GTF2B: variants seen among roughly 807,000 people sequenced by gnomAD.
GTF2B encodes the protein general transcription factor IIB.
GTF2B carries 20 observed loss-of-function variants against 34.6 expected under a neutral mutation model. That is an observed-to-expected ratio of 0.58 (90% CI 0.41 to 0.84). The LOEUF is 0.84. Ranked by LOEUF, GTF2B falls within the 40% of genes least tolerant of loss-of-function variation. The pLI is 0.00. For synonymous variants in GTF2B, 142 were observed against 132.4 expected, an observed-to-expected ratio of 1.07 and a Z score of -0.50; for missense variants, 237 against 393.3, an observed-to-expected ratio of 0.60 and a Z score of 3.36.
chr1:88,890,645 C>T (rs572419504), intron 1 of GTF2B, among the ~76,000 whole-genome samples: 2 of 152,296 alleles, frequency 1.3e-5, no homozygotes, highest in East Asian at 3.9e-4. Flanking sequence ...TGGCATGACT[C>T]AGTTTACACT....
chr1:88,891,120 CG>C (rs36020480), intron 1 of GTF2B, among the ~76,000 whole-genome samples: 533 of 6,464 alleles, frequency 0.082, 51 homozygotes, highest in African/African-American at 0.22. Flanking sequence ...AAAAAACAAG[CG>C]GGGGGGGGGG....
intron 2 of GTF2B, among the ~76,000 whole-genome samples, chr1:88,867,026 T>TA (rs1443528360): frequency 6.6e-6 from 1 of 152,194 alleles, no homozygotes; most frequent in Non-Finnish European, 1.5e-5. Context: ...ATGCAGATTT[T>TA]AAAAAGATAC....
At chr1:88,888,419 G>A (rs181539202) in intron 1 of GTF2B, among the ~76,000 whole-genome samples, 7 of 152,110 alleles carry the variant, frequency 4.6e-5, no homozygotes, top group Middle Eastern at 3.4e-3. Context: ...TTGGGAACAC[G>A]GGGGGATGAG....
intron 5 of GTF2B, among the ~76,000 whole-genome samples, chr1:88,858,259 A>G (rs915998573): frequency 6.6e-6 from 1 of 152,180 alleles, no homozygotes; most frequent in African/African-American, 2.4e-5. Context: ...TCGGCCTCAC[A>G]AAGTGCTGAG....
At chr1:88,862,347 G>C (rs758961609) in intron 3 of GTF2B, among the ~76,000 whole-genome samples, 8 of 152,130 alleles carry the variant, frequency 5.3e-5, no homozygotes, top group Non-Finnish European at 8.8e-5. Flanking sequence ...ATTGGGACAA[G>C]CCTGGGCAAC....
chr1:88,859,931 A>T lies in GTF2B; in HGVS notation c.486T>A (p.Ala162=). ...CTTGTCTACAGGCAATATAGAGACA[A>T]GCAGAAGCTATAGCATCATTAGCTC... ...KGRANDAIAS[A]CLYIACRQEG... is the part of the protein sequence containing the mutation. The change falls in exon 5 of 7, where the codon GCT becomes GCA. Residue 162 remains alanine (A), a synonymous_variant. Coordinates refer to ENST00000370500, the MANE Select transcript of GTF2B (RefSeq NM_001514.6). 1 of 1,613,810 alleles carries T rather than the reference A, an allele frequency of 6.2e-7. No homozygotes were observed. Among genetic ancestry groups the T allele is most frequent in the Non-Finnish European group, 8.5e-7 (1 of 1,179,734 alleles).
At chr1:88,866,248 G>A (rs190562019) in intron 2 of GTF2B, among the ~76,000 whole-genome samples, 127 of 152,140 alleles carry the variant, frequency 8.3e-4, no homozygotes, top group African/African-American at 2.8e-3. Context: ...GTGCCTGTAG[G>A]GAGGCTGAGG....
chr1:88,890,214 C>A (rs539104473), intron 1 of GTF2B, among the ~76,000 whole-genome samples: 1 of 151,152 alleles, frequency 6.6e-6, no homozygotes, highest in East Asian at 1.9e-4. Context: ...TCTGGGGAGC[C>A]CAAGTTTTCC....
chr1:88,859,608 G>A (rs745371996), intron 5 of GTF2B, among the ~76,000 whole-genome samples: 6 of 152,108 alleles, frequency 3.9e-5, no homozygotes, highest in Non-Finnish European at 7.4e-5. Flanking sequence ...GGCCAAAGTG[G>A]GCAGATCACC....
At position 88,853,048 on chromosome 1, in the gene GTF2B, T is replaced by C; in HGVS notation, c.*165A>G. The C allele has an allele frequency of 5.1e-6, 3 of 584,584 alleles. No individual in the cohort carries two copies. The South Asian group carries it at 7.0e-5, about 14-fold the overall frequency. 36.2% of individuals were successfully genotyped at this position (584,584 alleles called of 1,614,324 possible). A position where few individuals can be genotyped will look rare whatever the true frequency, so the allele number is the denominator to read the frequency against. ...TAAGAAATTTAAATCATTAAATATG[T>C]TTCACTAGTATATACATACAGAATG... is the stretch of plus-strand genomic sequence containing the variant. On this transcript the variant is annotated 3_prime_UTR_variant, in exon 7 of 7. Transcript: ENST00000370500.
rs186514882 is a variant in GTF2B at position 88,862,897 on chromosome 1, A to C, written c.258+1084T>G. Among the ~76,000 whole-genome samples, 1,159 of 149,064 alleles carry C rather than the reference A, an allele frequency of 7.8e-3. 9 individuals are homozygous for C. The highest frequency in any genetic ancestry group is 0.011 in the Non-Finnish European group (729 of 67,422). ...ATCTCCACCCACCTCGGCCTCCCAAAGTGCTGGGATTACAGGCATGAGCCA... is the reference window on the plus strand; with the variant it reads ...ATCTCCACCCACCTCGGCCTCCCAACGTGCTGGGATTACAGGCATGAGCCA... On this transcript the variant is annotated intron_variant, in intron 3 of 6. Coordinates refer to ENST00000370500, the MANE Select transcript of GTF2B (RefSeq NM_001514.6).
intron 2 of GTF2B, among the ~76,000 whole-genome samples, chr1:88,874,702 CTG>C (rs1400246602): frequency 6.6e-6 from 1 of 151,890 alleles, no homozygotes; most frequent in East Asian, 1.9e-4. Flanking sequence ...ATTCTTTCTG[CTG>C]TCTTCCTGGA....
chr1:88,881,025 AAAG>A (rs987138415), intron 2 of GTF2B, among the ~76,000 whole-genome samples: 3 of 151,260 alleles, frequency 2.0e-5, no homozygotes, highest in Non-Finnish European at 2.9e-5. Context: ...AAAAAAAAAA[AAAG>A]AACTAGTAAG....
intron 2 of GTF2B, among the ~76,000 whole-genome samples, chr1:88,886,992 C>A (rs1030697217): frequency 6.6e-6 from 1 of 151,848 alleles, no homozygotes; most frequent in Admixed American, 6.6e-5. Context: ...GATCTCGGCT[C>A]ACTGCAACCT....
In GTF2B at chr1:88,853,067, C is replaced by G; in HGVS notation, c.*146G>C. 2 of 733,402 alleles carry G rather than the reference C, an allele frequency of 2.7e-6. No individual in the cohort carries two copies. Among genetic ancestry groups the G allele is most frequent in the Non-Finnish European group, 2.4e-6 (1 of 409,870 alleles). The allele number at this position is 733,402 out of a possible 1,614,324, so 45.4% of individuals were successfully genotyped here. On this transcript the variant is annotated 3_prime_UTR_variant, in exon 7 of 7. Coordinates refer to ENST00000370500, the MANE Select transcript of GTF2B (RefSeq NM_001514.6). ...AATATGTTTCACTAGTATATACATA[C>G]AGAATGCCAAGCAATAGTATTCAGC... is the stretch of plus-strand genomic sequence containing the variant.
At chr1:88,859,071 T>C (rs1447627644) in intron 5 of GTF2B, among the ~76,000 whole-genome samples, 3 of 152,054 alleles carry the variant, frequency 2.0e-5, no homozygotes, top group Non-Finnish European at 4.4e-5. Context: ...TTTCACCATA[T>C]TGGCCAGGCT....
intron 2 of GTF2B, among the ~76,000 whole-genome samples, chr1:88,879,983 C>T (rs1378487232): frequency 2.6e-5 from 4 of 151,038 alleles, no homozygotes; most frequent in Admixed American, 6.6e-5. Context: ...TGCCTGAACC[C>T]GGGAGGTGGA....
intron 1 of GTF2B, among the ~76,000 whole-genome samples, chr1:88,889,421 A>G (rs1413040283): frequency 6.6e-6 from 1 of 152,250 alleles, no homozygotes; most frequent in African/African-American, 2.4e-5. Context: ...AAACGATTCG[A>G]GACTACTCAA....
chr1:88,886,555 C>T (rs934951362), intron 2 of GTF2B, among the ~76,000 whole-genome samples: 1 of 152,074 alleles, frequency 6.6e-6, no homozygotes, highest in Non-Finnish European at 1.5e-5. Context: ...TTAAGTGGGA[C>T]TCAAAAATCA....
Sources: gnomAD v4.1 joint callset for allele counts (sites outside exome capture counted in the v4.1 genomes callset) on GRCh38, gnomAD v4.1.1 for gene constraint, MANE v1.5 for transcripts, NCBI Gene and HGNC (gene_info 2026-07-23, HGNC 2026-07-21) for gene names.